Variants in SEM1 observed in about 807,000 individuals in gnomAD.
SEM1 encodes the protein 26S proteasome complex subunit SEM1.
SEM1 carries 3 observed loss-of-function variants against 12.7 expected under a neutral mutation model. That is an observed-to-expected ratio of 0.24 (90% confidence interval 0.11 to 0.61). SEM1 has a LOEUF of 0.61. Among genes scored for constraint, SEM1 ranks in the 20% least tolerant of loss-of-function variants. SEM1 has a pLI of 0.88. For synonymous variants in SEM1, 30 were observed against 27.8 expected, an observed-to-expected ratio of 1.08 and a Z score of -0.25; for missense variants, 59 against 81.3, an observed-to-expected ratio of 0.73 and a Z score of 1.06.
intron 2 of SEM1, among the ~76,000 whole-genome samples, chr7:96,510,449 T>C (rs1803902565): frequency 6.6e-6 from 1 of 152,168 alleles, no homozygotes; most frequent in African/African-American, 2.4e-5. Context: ...GTTATATATT[T>C]GTGTATCTAA....
intron 2 of SEM1, among the ~76,000 whole-genome samples, chr7:96,614,872 T>C (rs1584806600): frequency 6.6e-6 from 1 of 152,164 alleles, no homozygotes. Context: ...ACACAGACAA[T>C]TGCTTTGTTT....
intron 3 of SEM1, among the ~76,000 whole-genome samples, chr7:96,503,912 A>G (rs1351134752): frequency 6.6e-6 from 1 of 152,090 alleles, no homozygotes. Context: ...GTACTGCCCA[A>G]GTATCCAGTT....
chr7:96,684,360 G>A (rs1433544166), downstream of SEM1, among the ~76,000 whole-genome samples: 1 of 151,998 alleles, frequency 6.6e-6, no homozygotes, highest in Non-Finnish European at 1.5e-5. Context: ...GGATTACTAA[G>A]ATTGGCTTAA....
chr7:96,699,861 G>A (rs1790216091), intron 1 of SEM1, among the ~76,000 whole-genome samples: 1 of 152,110 alleles, frequency 6.6e-6, no homozygotes, highest in African/African-American at 2.4e-5. Context: ...CCCACCCCAG[G>A]ATAAACACTT....
At chr7:96,697,688 T>A (rs1790141014) in intron 1 of SEM1, among the ~76,000 whole-genome samples, 1 of 152,054 alleles carries the variant, frequency 6.6e-6, no homozygotes, top group African/African-American at 2.4e-5. Flanking sequence ...TACAGAACAT[T>A]ACATGAAAAG....
intron 2 of SEM1, chr7:96,486,084 C>T (rs1394371913): frequency 2.3e-5 from 16 of 689,402 alleles, no homozygotes; most frequent in Middle Eastern, 4.0e-4. Flanking sequence ...GTAAAGATCA[C>T]GGTTGAGTAT....
At chr7:96,522,891 CAAAAAAAAA>C (rs540895823) in intron 2 of SEM1, among the ~76,000 whole-genome samples, 6 of 87,664 alleles carry the variant, frequency 6.8e-5, no homozygotes, top group African/African-American at 2.8e-4. Flanking sequence ...AACTCCATCT[CAAAAAAAAA>C]AAAAAAAAAA....
intron 2 of SEM1, among the ~76,000 whole-genome samples, chr7:96,593,677 A>G: frequency 6.6e-6 from 1 of 152,342 alleles, no homozygotes; most frequent in South Asian, 2.1e-4. Context: ...TTTTATTGGC[A>G]AAGACTAAAG....
Position 96,655,215 on chromosome 7 carries a change from A to G in SEM1, c.171-32572T>C, listed in dbSNP as rs540844452. Among the ~76,000 whole-genome samples the G allele has an allele frequency of 3.9e-5, 6 of 152,286 alleles. No individual in the cohort carries two copies. In the East Asian group the frequency reaches 1.2e-3, roughly 29 times the overall value. On this transcript the variant is annotated intron_variant, in intron 2 of 2. Transcript: ENST00000417009. ...GAGACTAAAATGTTTAAAATGTTTC[A>G]TCTCAGGGTCTGGGCCAGGTAGTGA...
intron 2 of SEM1, among the ~76,000 whole-genome samples, chr7:96,604,687 G>A (rs1807292035): frequency 6.6e-6 from 1 of 152,048 alleles, no homozygotes. Flanking sequence ...TGGAGGCTGA[G>A]GCGGGCGAAT....
At chr7:96,643,490 A>G (rs191785061) in intron 2 of SEM1, among the ~76,000 whole-genome samples, 19 of 152,224 alleles carry the variant, frequency 1.2e-4, no homozygotes, top group African/African-American at 4.3e-4. Context: ...CTAATGCTAT[A>G]AAGACACATG....
chr7:96,666,929 T>C (rs1321454484), intron 2 of SEM1, among the ~76,000 whole-genome samples: 1 of 152,188 alleles, frequency 6.6e-6, no homozygotes, highest in East Asian at 1.9e-4. Flanking sequence ...TCCTCTCCTC[T>C]TTGGGCCAAC....
chr7:96,559,060 A>G (rs1805615527), intron 2 of SEM1, among the ~76,000 whole-genome samples: 1 of 152,210 alleles, frequency 6.6e-6, no homozygotes. Flanking sequence ...GCTAGCTACT[A>G]TGCTTTAGGA....
upstream of SEM1, among the ~76,000 whole-genome samples, chr7:96,499,526 G>A (rs1460821193): frequency 6.6e-6 from 1 of 152,182 alleles, no homozygotes; most frequent in Non-Finnish European, 1.5e-5. Flanking sequence ...CTTGAACAAA[G>A]CGAGTCAATT....
rs77686249 is a variant in SEM1, at chr7:96,587,985, C to T, written c.171-81287G>A. Among the ~76,000 whole-genome samples, 443 of 152,056 alleles carry T rather than the reference C, an allele frequency of 2.9e-3. 1 individual carries two copies. The highest frequency in any genetic ancestry group is 0.01 in the African/African-American group (426 of 41,448). ...TACCTATACTTTGTCATGTTAACAA[C>T]GAAGTATTATATGTTATAGGCCCAT... On this transcript the variant is annotated intron_variant and NMD_transcript_variant, in intron 2 of 3. Coordinates refer to the SEM1 transcript ENST00000466986.
intron 2 of SEM1, among the ~76,000 whole-genome samples, chr7:96,553,412 T>C (rs1388605065): frequency 4.0e-5 from 6 of 149,812 alleles, no homozygotes; most frequent in African/African-American, 7.3e-5. Flanking sequence ...TTTCTACATA[T>C]GGCTAGCCAG....
intron 2 of SEM1, among the ~76,000 whole-genome samples, chr7:96,677,740 A>G (rs1357120279): frequency 2.0e-5 from 3 of 152,058 alleles, no homozygotes; most frequent in Non-Finnish European, 2.9e-5. Context: ...TGGCTTCACC[A>G]AGACGGCAGA....
chr7:96,571,948 G>A (rs1180923551), intron 2 of SEM1, among the ~76,000 whole-genome samples: 1 of 152,068 alleles, frequency 6.6e-6, no homozygotes, highest in Non-Finnish European at 1.5e-5. Context: ...ATTAATTACT[G>A]CCTCAATTTC....
chr7:96,622,466 T>G (rs1807925928), downstream of SEM1: 5 of 575,990 alleles, frequency 8.7e-6, no homozygotes, highest in Non-Finnish European at 1.6e-5. Context: ...TCAGTGCAGT[T>G]TCTAAATAGT....
Sources: gnomAD v4.1 joint callset for allele counts (sites outside exome capture counted in the v4.1 genomes callset) on GRCh38, gnomAD v4.1.1 for gene constraint, MANE v1.5 for transcripts, NCBI Gene and HGNC (gene_info 2026-07-23, HGNC 2026-07-21) for gene names.